Variants in MUCL3 observed in about 807,000 individuals in gnomAD.
MUCL3 encodes the protein mucin like 3.
MUCL3 carries 42 observed loss-of-function variants against 70.2 expected under a neutral mutation model. The ratio of observed to expected loss-of-function variants is 0.60; its 90% CI spans 0.47 to 0.77. MUCL3 has a LOEUF of 0.77. Among genes scored for constraint, MUCL3 ranks in the 30% least tolerant of loss-of-function variants. MUCL3 has a pLI of 0.00. For synonymous variants in MUCL3, 522 were observed against 647.0 expected (o/e 0.81, Z 2.93); for missense variants, 1,429 against 1,670.0 (o/e 0.86, Z 2.52).
chr6:30,945,750 C>T (rs1279767180), intron 1 of MUCL3, among the ~76,000 whole-genome samples: 3 of 152,146 alleles, frequency 2.0e-5, no homozygotes, highest in Admixed American at 6.5e-5. Context: ...GTCAGGAGAT[C>T]GAGACCATCC....
rs1318939708 is a variant in MUCL3 at position 30,948,683 on chromosome 6, G to A, written c.219G>A (p.Glu73=). 6.4e-7 allele frequency: 1 copy of A among 1,551,592 alleles called. No individual in the cohort carries two copies. Among genetic ancestry groups the A allele is most frequent in the Admixed American group, 2.0e-5 (1 of 50,990 alleles). ...TGCATTCAGGACAAAGACCTCCAGAGCTCCCTAAATCTACAGAAATCCATG... is the reference window on the plus strand; with the variant it reads ...TGCATTCAGGACAAAGACCTCCAGAACTCCCTAAATCTACAGAAATCCATG... ...IVLHSGQRPP[E]LPKSTEIHEQ... is the part of the protein sequence containing the mutation. The change falls in exon 2 of 3, where the codon GAG becomes GAA. Residue 73 remains glutamate, a synonymous_variant. Transcript: ENST00000462446.
rs1760602388 is a variant in MUCL3 at position 30,950,518 on chromosome 6, G to A, written c.2054G>A (p.Arg685Lys). The A allele has an allele frequency of 1.9e-6, 3 of 1,548,826 alleles. No homozygotes were observed. The highest frequency in any genetic ancestry group is 2.0e-5 in the Admixed American group (1 of 50,644). Residue 685 changes from arginine (R) to lysine (K), a missense_variant, in exon 2 of 3, where the codon AGG becomes AAG. Transcript: ENST00000462446. Reference sequence around the variant, plus strand: ...GCAGAGCCTACAGAAAATGGACAAAGGACCCCATTTGCCAATGAGAAAACC... The same window carrying A: ...GCAGAGCCTACAGAAAATGGACAAAAGACCCCATTTGCCAATGAGAAAACC... The part of the protein sequence containing the change: ...SPAEPTENGQ[R>K]TPFANEKTTS...
intron 1 of MUCL3, among the ~76,000 whole-genome samples, chr6:30,943,858 CTT>C (rs202030984): frequency 2.7e-5 from 4 of 145,642 alleles, no homozygotes; most frequent in African/African-American, 2.5e-5. Context: ...TTTAGCTTTC[CTT>C]TTTTTTTTTT....
rs767850905 is a variant in MUCL3 at position 30,953,231 on chromosome 6, G to A, written c.*114G>A. On this transcript the variant is annotated 3_prime_UTR_variant, in exon 3 of 3. Coordinates refer to ENST00000462446, the MANE Select transcript of MUCL3 (RefSeq NM_080870.4). ...TACAGGAAGGGCAGAGAATACTGACGGTTACCAGTATTAACCCTTCATCTG... is the reference window on the plus strand; with the variant it reads ...TACAGGAAGGGCAGAGAATACTGACAGTTACCAGTATTAACCCTTCATCTG... 1.4e-5 allele frequency: 20 copies of A among 1,426,200 alleles called. No individual in the cohort carries two copies. Among genetic ancestry groups the A allele is most frequent in the South Asian group, 4.2e-5 (3 of 71,492 alleles). 88.3% of individuals were successfully genotyped at this position (1,426,200 alleles called of 1,614,324 possible). A position where few individuals can be genotyped will look rare whatever the true frequency, so the allele number is the denominator to read the frequency against.
At chr6:30,941,705 G>A (rs542894231) in intron 1 of MUCL3, among the ~76,000 whole-genome samples, 195 of 152,024 alleles carry the variant, frequency 1.3e-3, no homozygotes, top group African/African-American at 4.0e-3. Flanking sequence ...CAAGTGATCC[G>A]CCTGCCTCGG....
At chr6:30,952,945 T>C (rs1397271862) in intron 2 of MUCL3, 26 bp from the exon 3 acceptor site, 1 of 1,612,298 alleles carries the variant, frequency 6.2e-7, no homozygotes, top group Non-Finnish European at 8.5e-7. Context: ...ATGGTTCTCA[T>C]TCCTCCTTTC....
Position 30,953,304 on chromosome 6 carries a change from G to A in MUCL3, c.*187G>A, listed in dbSNP as rs1422408988. Reference sequence around the variant, plus strand: ...GAGGTGATAAGCAAGGAGGGTGTAAGTTTAGGGGACAAAGAAGAAAGAATG... The same window carrying A: ...GAGGTGATAAGCAAGGAGGGTGTAAATTTAGGGGACAAAGAAGAAAGAATG... On this transcript the variant is annotated 3_prime_UTR_variant, in exon 3 of 3. Transcript: ENST00000462446. 2.5e-5 allele frequency: 19 copies of A among 760,856 alleles called. No individual in the cohort carries two copies. The highest frequency in any genetic ancestry group is 3.7e-5 in the Non-Finnish European group (18 of 485,478). The allele number at this position is 760,856 out of a possible 1,614,324, so 47.1% of individuals were successfully genotyped here.
rs758177582 is a variant in MUCL3, at chr6:30,948,839, C to T, written c.375C>T (p.Ser125=). The change falls in exon 2 of 3, where the codon TCC becomes TCT. Residue 125 remains serine, a synonymous_variant. Coordinates refer to ENST00000462446, the MANE Select transcript of MUCL3 (RefSeq NM_080870.4). ...CTCCTCCCACTTCTGAAGAAAACTC[C>T]AGCAACCAAGGGAAAGACCCAATGA... ...HEAPPTSEEN[S]SNQGKDPMIR... The T allele has an allele frequency of 6.4e-7, 1 of 1,551,594 alleles. No homozygotes were observed. The highest frequency in any genetic ancestry group is 1.2e-5 in the South Asian group (1 of 84,052).
chr6:30,945,473 T>TAAA (rs11441516), intron 1 of MUCL3, among the ~76,000 whole-genome samples: 8 of 114,130 alleles, frequency 7.0e-5, no homozygotes, highest in African/African-American at 1.4e-4. Flanking sequence ...CCCTGCGTCT[T>TAAA]AAAAAAAAAA....
Position 30,952,289 on chromosome 6 carries a change from C to T in MUCL3, c.3825C>T (p.Phe1275=), listed in dbSNP as rs759999003. The change falls in exon 2 of 3, where the codon TTC becomes TTT. Residue 1275 remains phenylalanine, a synonymous_variant. Coordinates refer to ENST00000462446, the MANE Select transcript of MUCL3 (RefSeq NM_080870.4). The part of the protein sequence containing the change: ...EVTHQVPTGS[F]TLITSRTKLS... ...CTCATCAGGTGCCCACTGGTTCTTT[C>T]ACCCTCATTACATCTAGAACGAAGC... 9.9e-6 allele frequency: 16 copies of T among 1,613,908 alleles called. No homozygotes were observed. In the African/African-American group the frequency reaches 2.1e-4, roughly 22 times the overall value.
In MUCL3 at chr6:30,949,813, A is replaced by G. The variant is rs1350671465; in HGVS notation, c.1349A>G (p.Asn450Ser). 3.2e-6 allele frequency: 5 copies of G among 1,549,914 alleles called. No individual in the cohort carries two copies. The highest frequency in any genetic ancestry group is 1.2e-5 in the South Asian group (1 of 83,854). ...EPTENRERTA[N>S]ENTTPSPAGP... is the part of the protein sequence containing the mutation. ...ACAGAAAATAGAGAAAGGACAGCCA[A>G]TGAGAACACCACACCATCCCCAGCA... The change falls in exon 2 of 3, where the codon AAT becomes AGT. Residue 450 changes from asparagine (N) to serine (S), a missense_variant. Transcript: ENST00000462446.
rs749451042 is a variant in MUCL3, at chr6:30,952,071, C to A, written c.3607C>A (p.Pro1203Thr). The change falls in exon 2 of 3, where the codon CCA (proline) becomes ACA (threonine). Residue 1203 changes from proline (P) to threonine (T), a missense_variant. By Grantham distance (38) the Pro-to-Thr change is conservative (BLOSUM62 -1). Transcript: ENST00000462446. ...CATATGCACCAAAGGGAAAAACACA[C>A]CAGTCCCAGAAAAGCCTACAGAAAA... ...KTICTKGKNT[P>T]VPEKPTENLG... 1.2e-6 allele frequency: 2 copies of A among 1,608,002 alleles called. No homozygotes were observed. The highest frequency in any genetic ancestry group is 1.7e-6 in the Non-Finnish European group (2 of 1,178,512).
chr6:30,949,096 ACAACTCAGG>A lies in MUCL3; in HGVS notation c.636_644del (p.Gly214_Ser216del). On this transcript the variant is annotated inframe_deletion, in exon 2 of 3. Coordinates refer to ENST00000462446, the MANE Select transcript of MUCL3 (RefSeq NM_080870.4). ...TCACATAAGACTACAACTTCCTTCCACAACTCAGGCAATTCACAGACCAAGCAAAAAAGC... is the reference window on the plus strand; with the variant it reads ...TCACATAAGACTACAACTTCCTTCCACAATTCACAGACCAAGCAAAAAAGC... 6.4e-7 allele frequency: 1 copy of A among 1,550,928 alleles called. No individual in the cohort carries two copies. Among genetic ancestry groups the A allele is most frequent in the Admixed American group, 2.0e-5 (1 of 50,842 alleles).
Position 30,950,350 on chromosome 6 carries a change from C to T in MUCL3, c.1886C>T (p.Thr629Ile). The T allele has an allele frequency of 1.3e-6, 2 of 1,549,082 alleles. No individual in the cohort carries two copies. Among genetic ancestry groups the T allele is most frequent in the Non-Finnish European group, 1.7e-6 (2 of 1,146,470 alleles). The change falls in exon 2 of 3, where the codon ACA (threonine) becomes ATA (isoleucine). Residue 629 changes from threonine to isoleucine, a missense_variant. Transcript: ENST00000462446. ...PAEPTENRER[T>I]ANENTTPSPA... Reference sequence around the variant, plus strand: ...GAGCCTACAGAAAATAGAGAAAGGACAGCCAATGAGAACACCACACCATCC... The same window carrying T: ...GAGCCTACAGAAAATAGAGAAAGGATAGCCAATGAGAACACCACACCATCC...
rs562380987 is a variant in MUCL3, at chr6:30,946,659, T to C, written c.83-1888T>C. Among the ~76,000 whole-genome samples the C allele has an allele frequency of 1.6e-4, 25 of 152,326 alleles. 1 individual carries two copies. Among genetic ancestry groups the C allele is most frequent in the Non-Finnish European group, 2.8e-4 (19 of 68,026 alleles). ...AATAAACAAATATATGAACAGCACCTTTCAGGGAGTCCACACATGTCAGTG... is the reference window on the plus strand; with the variant it reads ...AATAAACAAATATATGAACAGCACCCTTCAGGGAGTCCACACATGTCAGTG... On this transcript the variant is annotated intron_variant, in intron 1 of 2. Transcript: ENST00000462446.
In MUCL3 at chr6:30,952,349, G is replaced by C. The variant is rs1760753352; in HGVS notation, c.3885G>C (p.Glu1295Asp). 8 of 1,614,164 alleles carry C rather than the reference G, an allele frequency of 5.0e-6. No individual in the cohort carries two copies. The highest frequency in any genetic ancestry group is 6.8e-6 in the Non-Finnish European group (8 of 1,180,042). ...TCACATCAGAAGCCACAGGAAACGA[G>C]AGCCATCCATACCTCAATAAAGATG... ...SSITSEATGN[E>D]SHPYLNKDGS... The change falls in exon 2 of 3, where the codon GAG (glutamate) becomes GAC (aspartate). Residue 1295 changes from glutamate to aspartate, a missense_variant. By Grantham distance (45) the Glu-to-Asp change is conservative. Transcript: ENST00000462446.
At chr6:30,947,383 C>T (rs1228210915) in intron 1 of MUCL3, among the ~76,000 whole-genome samples, 1 of 152,100 alleles carries the variant, frequency 6.6e-6, no homozygotes, top group African/African-American at 2.4e-5. Context: ...CCGATTCTGC[C>T]CATCAGCAGG....
chr6:30,945,364 T>G (rs1795737297), intron 1 of MUCL3, among the ~76,000 whole-genome samples: 1 of 151,212 alleles, frequency 6.6e-6, no homozygotes, highest in African/African-American at 2.4e-5. Flanking sequence ...CCAGGCCAGG[T>G]GCAGTGGCTC....
rs56225012 is a variant in MUCL3, at chr6:30,951,821, C to T, written c.3357C>T (p.Thr1119=). The change falls in exon 2 of 3, where the codon ACC becomes ACT. Residue 1119 remains threonine, a synonymous_variant. Coordinates refer to ENST00000462446, the MANE Select transcript of MUCL3 (RefSeq NM_080870.4). ...CCACATCACCCAATGACAAGATCAC[C>T]TCATCTGCAGCAGAGTCTACAGAAC... ...ERTTSPNDKI[T]SSAAESTEHR... 3 of 1,577,314 alleles carry T rather than the reference C, an allele frequency of 1.9e-6. No homozygotes were observed. The highest frequency in any genetic ancestry group is 3.8e-5 in the Admixed American group (2 of 52,740).
Sources: gnomAD v4.1 joint callset for allele counts (sites outside exome capture counted in the v4.1 genomes callset) on GRCh38, gnomAD v4.1.1 for gene constraint, MANE v1.5 for transcripts, NCBI Gene and HGNC (gene_info 2026-07-23, HGNC 2026-07-21) for gene names.